MEF2C: variants seen among roughly 807,000 people sequenced by gnomAD.
MEF2C encodes the protein myocyte enhancer factor 2C, also known as myocyte-specific enhancer factor 2C.
MEF2C carries 6 observed loss-of-function variants against 50.5 expected under a neutral mutation model. The ratio of observed to expected loss-of-function variants is 0.12; its 90% confidence interval spans 0.07 to 0.23. The LOEUF (loss-of-function observed/expected upper bound fraction) is 0.23, where lower values mean the gene tolerates loss of function less well. Ranked by LOEUF, MEF2C falls within the 10% of genes least tolerant of loss-of-function variation. MEF2C has a pLI of 1.00. For synonymous variants in MEF2C, 183 were observed against 228.0 expected (o/e 0.80, Z 1.78); for missense variants, 276 against 605.0 (o/e 0.46, Z 5.70).
intron 1 of MEF2C, among the ~76,000 whole-genome samples, chr5:88,861,283 A>G (rs1825411378): frequency 6.6e-6 from 1 of 152,222 alleles, no homozygotes; most frequent in Admixed American, 6.5e-5. Context: ...ACTGATACCC[A>G]GACCCATCCC....
intron 1 of MEF2C, among the ~76,000 whole-genome samples, chr5:88,855,581 G>A (rs754693091): frequency 1.1e-4 from 16 of 152,114 alleles, no homozygotes; most frequent in Non-Finnish European, 1.0e-4. Context: ...TAATCTCCAC[G>A]TGTCATGGGA....
intron 6 of MEF2C, chr5:88,748,189 G>A: frequency 1.0e-6 from 1 of 983,354 alleles, no homozygotes; most frequent in Non-Finnish European, 1.2e-6. Context: ...CTTATAATTA[G>A]CAGGCTATTC....
intron 3 of MEF2C, among the ~76,000 whole-genome samples, chr5:88,761,535 G>A (rs1244480841): frequency 2.6e-5 from 4 of 152,202 alleles, no homozygotes; most frequent in Non-Finnish European, 5.9e-5. Context: ...GATTCCTCTT[G>A]CAACTAAATT....
chr5:88,787,969 T>G (rs1341842907), intron 3 of MEF2C, among the ~76,000 whole-genome samples: 1 of 152,200 alleles, frequency 6.6e-6, no homozygotes, highest in African/African-American at 2.4e-5. Context: ...TTAACAAATA[T>G]TCTGTTCCTT....
At chr5:88,828,388 T>G (rs1811779173) in intron 1 of MEF2C, among the ~76,000 whole-genome samples, 1 of 151,922 alleles carries the variant, frequency 6.6e-6, no homozygotes, top group Admixed American at 6.6e-5. Flanking sequence ...ATGTCAATTT[T>G]CAAAAAAAAA....
rs1337495503 is a variant in MEF2C at position 88,719,164 on chromosome 5, G to T, written c.*3440C>A. On this transcript the variant is annotated 3_prime_UTR_variant, in exon 11 of 11. Coordinates refer to ENST00000504921, the MANE Select transcript of MEF2C (RefSeq NM_002397.5). ...ATGTAAGAAAAACAAATCCATAAAA[G>T]TGTGTGAGGGCAGACATTCTTTTAA... The T allele has an allele frequency of 6.6e-6, 1 of 152,180 alleles. No homozygotes were observed. Among genetic ancestry groups the T allele is most frequent in the African/African-American group, 2.4e-5 (1 of 41,440 alleles). 9.4% of individuals were successfully genotyped at this position (152,180 alleles called of 1,614,324 possible). A position where few individuals can be genotyped will look rare whatever the true frequency, so the allele number is the denominator to read the frequency against.
At chr5:88,724,464 T>A (rs1369977055) in intron 10 of MEF2C, among the ~76,000 whole-genome samples, 1 of 152,132 alleles carries the variant, frequency 6.6e-6, no homozygotes, top group East Asian at 1.9e-4. Flanking sequence ...ATGTAGAGAA[T>A]AATATAAAGG....
intron 1 of MEF2C, chr5:88,881,073 T>C (rs1439455707): frequency 6.6e-6 from 1 of 152,102 alleles, no homozygotes; most frequent in African/African-American, 2.4e-5. Context: ...TTAATAAAAA[T>C]AGTAGGTTTT....
chr5:88,787,809 T>A (rs1046558397), intron 3 of MEF2C, among the ~76,000 whole-genome samples: 13 of 152,252 alleles, frequency 8.5e-5, no homozygotes, highest in African/African-American at 2.4e-4. Flanking sequence ...TTCTTTCCTG[T>A]TGGAAAAGTT....
chr5:88,757,188 A>G (rs1239274278), intron 4 of MEF2C, among the ~76,000 whole-genome samples: 1 of 152,210 alleles, frequency 6.6e-6, no homozygotes, highest in Non-Finnish European at 1.5e-5. Flanking sequence ...TCATAATCAG[A>G]AAAGTATCTG....
intron 3 of MEF2C, among the ~76,000 whole-genome samples, chr5:88,791,053 T>C (rs1430757194): frequency 1.3e-5 from 2 of 152,196 alleles, no homozygotes; most frequent in Non-Finnish European, 2.9e-5. Flanking sequence ...TTCAGTAACT[T>C]TTCCTGAGGA....
chr5:88,903,080 C>T (rs1367430179), intron 1 of MEF2C, among the ~76,000 whole-genome samples: 1 of 151,884 alleles, frequency 6.6e-6, no homozygotes, highest in African/African-American at 2.4e-5. Flanking sequence ...TATGTCCTAA[C>T]ATGTGGTCTC....
intron 6 of MEF2C, chr5:88,739,206 T>G (rs1013867422): frequency 1.0e-6 from 1 of 978,328 alleles, no homozygotes; most frequent in Non-Finnish European, 1.2e-6. Flanking sequence ...TTTTGTTTAG[T>G]AATTTGTTAA....
At chr5:88,812,791 C>T (rs1229239428) in intron 2 of MEF2C, among the ~76,000 whole-genome samples, 1 of 152,094 alleles carries the variant, frequency 6.6e-6, no homozygotes, top group Non-Finnish European at 1.5e-5. Context: ...AACCAACCCT[C>T]TTCACACAAA....
chr5:88,825,528 G>A (rs1350861887), intron 1 of MEF2C: 4 of 982,896 alleles, frequency 4.1e-6, no homozygotes, highest in Admixed American at 1.2e-4. Context: ...AAGAGTTATA[G>A]AAATAACACA....
intron 2 of MEF2C, among the ~76,000 whole-genome samples, chr5:88,814,180 T>A (rs1804219250): frequency 6.6e-6 from 1 of 152,150 alleles, no homozygotes; most frequent in Non-Finnish European, 1.5e-5. Flanking sequence ...ACCTCCCTTG[T>A]TCCTGACAGT....
chr5:88,893,319 C>CTTT (rs11368134), intron 1 of MEF2C, among the ~76,000 whole-genome samples: 1 of 145,868 alleles, frequency 6.9e-6, no homozygotes, highest in Non-Finnish European at 1.5e-5. Context: ...TCTTTCTTTT[C>CTTT]TTTTTTTTTT....
chr5:88,880,522 G>T (rs566122280), intron 1 of MEF2C, among the ~76,000 whole-genome samples: 1 of 152,096 alleles, frequency 6.6e-6, no homozygotes, highest in African/African-American at 2.4e-5. Flanking sequence ...ATAAACAGAA[G>T]AAAGTTTTAA....
chr5:88,824,289 A>G, intron 1 of MEF2C: 11 of 985,422 alleles, frequency 1.1e-5, no homozygotes, highest in Non-Finnish European at 1.3e-5. Flanking sequence ...TAAATCAGAG[A>G]GTTAATGAAC....
Sources: gnomAD v4.1 joint callset for allele counts (sites outside exome capture counted in the v4.1 genomes callset) on GRCh38, gnomAD v4.1.1 for gene constraint, MANE v1.5 for transcripts, NCBI Gene and HGNC (gene_info 2026-07-23, HGNC 2026-07-21) for gene names.